The following PPM1K variants were observed in gnomAD, a reference collection of about 807,000 sequenced individuals.
The protein encoded by PPM1K is protein phosphatase, Mg2+/Mn2+ dependent 1K, also known as protein phosphatase Mn(2+)-dependent 1K.
PPM1K carries 19 observed loss-of-function variants against 32.6 expected under a neutral mutation model. The ratio of observed to expected loss-of-function variants is 0.58; its 90% CI spans 0.41 to 0.86. PPM1K has a LOEUF of 0.86. Ranked by LOEUF, PPM1K falls within the 40% of genes least tolerant of loss-of-function variation. The pLI is 0.00. For missense variants in PPM1K, 362 were observed against 461.2 expected, an observed-to-expected ratio of 0.78 and a Z score of 1.97; for synonymous variants, 159 against 165.3, an observed-to-expected ratio of 0.96 and a Z score of 0.29.
chr4:88,275,945 T>C (rs946186760), intron 3 of PPM1K: 9 of 985,076 alleles, frequency 9.1e-6, no homozygotes, highest in Non-Finnish European at 1.1e-5. Context: ...GAAAAGAAAA[T>C]GGGCCTAAAT....
intron 3 of PPM1K, chr4:88,276,063 G>A: frequency 1.0e-6 from 1 of 985,370 alleles, no homozygotes; most frequent in Non-Finnish European, 1.2e-6. Flanking sequence ...ATCTCAAGAT[G>A]GTAAATAGAG....
Position 88,278,227 on chromosome 4 carries a change from C to A in PPM1K, c.357G>T (p.Glu119Asp), listed in dbSNP as rs778963733. 3 of 1,614,192 alleles carry A rather than the reference C, an allele frequency of 1.9e-6. No homozygotes were observed. In the South Asian group the frequency reaches 3.3e-5, roughly 18 times the overall value. ...DRFDFAQLTD[E>D]VLYFAVYDGH... ...CATCATACACTGCAAAGTACAGGAC[C>A]TCATCTGTCAGCTGAGCGAAGTCAA... Residue 119 changes from glutamate (E) to aspartate (D), a missense_variant, in exon 2 of 7, where the codon GAG (glutamate) becomes GAT (aspartate). Transcript: ENST00000608933. The surrounding 1 kb of genome is among the most constrained non-coding windows in gnomAD (Gnocchi z 4.2).
chr4:88,276,238 CTG>C (rs1731762967), intron 3 of PPM1K: 2 of 985,280 alleles, frequency 2.0e-6, no homozygotes, highest in African/African-American at 3.5e-5. Context: ...CAACTGAAGA[CTG>C]TGCAAATGAC....
At chr4:88,277,581 CA>C in intron 2 of PPM1K, 1 of 219,092 alleles carries the variant, frequency 4.6e-6, no homozygotes, top group Non-Finnish European at 9.0e-6. Flanking sequence ...ACTGGGAAGT[CA>C]AAAATAGTCA....
chr4:88,278,266 C>T lies in PPM1K; in HGVS notation c.318G>A (p.Glu106=). The T allele has an allele frequency of 6.2e-7, 1 of 1,614,206 alleles. No homozygotes were observed. Among genetic ancestry groups the T allele is most frequent in the Non-Finnish European group, 8.5e-7 (1 of 1,180,028 alleles). Residue 106 remains glutamate, a synonymous_variant, in exon 2 of 7, where the codon GAG becomes GAA. Coordinates refer to ENST00000608933, the MANE Select transcript of PPM1K (RefSeq NM_152542.5). The surrounding 1 kb of genome is among the most constrained non-coding windows in gnomAD (Gnocchi z 4.2). ...GAGCGAAGTCAAACCGATCTTCATT[C>T]TCTTTCCGTTTGCCAATCTGTGAGG... The part of the protein sequence containing the change: ...GCASQIGKRK[E]NEDRFDFAQL...
chr4:88,273,903 C>T (rs925867180), intron 3 of PPM1K, among the ~76,000 whole-genome samples: 1 of 152,160 alleles, frequency 6.6e-6, no homozygotes, highest in Non-Finnish European at 1.5e-5. Context: ...GTGTGCTATG[C>T]AAATGGCACA....
At chr4:88,273,052 C>A (rs1037348400) in intron 3 of PPM1K, among the ~76,000 whole-genome samples, 3 of 152,184 alleles carry the variant, frequency 2.0e-5, no homozygotes, top group Non-Finnish European at 4.4e-5. Flanking sequence ...CAGGCAACAG[C>A]AATGCCATTC....
intron 5 of PPM1K, among the ~76,000 whole-genome samples, chr4:88,265,386 A>G (rs764801426): frequency 6.6e-6 from 1 of 152,224 alleles, no homozygotes; most frequent in African/African-American, 2.4e-5. Flanking sequence ...CCGTTTTCAT[A>G]ATAGTGAAGT....
At position 88,277,152 on chromosome 4, in the gene PPM1K, A is replaced by T. The variant is rs1171386828; in HGVS notation, c.532T>A (p.Ser178Thr). 1 of 1,612,888 alleles carries T rather than the reference A, an allele frequency of 6.2e-7. No homozygotes were observed. The highest frequency in any genetic ancestry group is 8.5e-7 in the Non-Finnish European group (1 of 1,178,982). ...DKAFSSHARL[S>T]ADATLLTSGT... is the part of the protein sequence containing the mutation. ...TGATAGTTTTACATACCATCAGCAG[A>T]CAGGCGGGCATGACTCGAAAAGGCT... Residue 178 changes from serine to threonine, a missense_variant, in exon 3 of 7, where the codon TCT becomes ACT. Ser to Thr is a moderately conservative substitution (Grantham distance 58, BLOSUM62 1). Coordinates refer to ENST00000608933, the MANE Select transcript of PPM1K (RefSeq NM_152542.5).
intron 5 of PPM1K, 121 bp downstream of exon 5, chr4:88,268,069 T>TA: frequency 1.9e-6 from 2 of 1,078,438 alleles, no homozygotes; most frequent in East Asian, 2.4e-5. Flanking sequence ...TATCCTTCCA[T>TA]AAATTACTCC....
At chr4:88,264,849 A>G (rs1219819266) in intron 6 of PPM1K, 152 bp downstream of exon 6, 3 of 810,878 alleles carry the variant, frequency 3.7e-6, no homozygotes, top group Non-Finnish European at 5.6e-6. Context: ...GCATATTAAA[A>G]TTTTAACTTG....
intron 1 of PPM1K, among the ~76,000 whole-genome samples, chr4:88,281,244 A>G (rs1731993877): frequency 6.6e-6 from 1 of 152,242 alleles, no homozygotes; most frequent in Non-Finnish European, 1.5e-5. Context: ...TTCAGCCTTG[A>G]GCTACTTTGC....
chr4:88,282,577 T>C (rs17013979), intron 1 of PPM1K, among the ~76,000 whole-genome samples: 3,398 of 152,268 alleles, frequency 0.022, 123 homozygotes, highest in African/African-American at 0.077. Flanking sequence ...TTTCAGCTAA[T>C]TGGGACCCCA....
At chr4:88,273,693 A>G (rs1333587514) in intron 3 of PPM1K, among the ~76,000 whole-genome samples, 4 of 151,886 alleles carry the variant, frequency 2.6e-5, no homozygotes, top group South Asian at 2.1e-4. Context: ...AAAAAAAAAA[A>G]AGAAAAAGAA....
chr4:88,278,641 G>T lies in PPM1K; in HGVS notation c.-58C>A. Reference sequence around the variant, plus strand: ...AAGGTCAATGGAACAATAATGGAATGTCTTCAAGAAAAATGATGCAAGTCA... The same window carrying T: ...AAGGTCAATGGAACAATAATGGAATTTCTTCAAGAAAAATGATGCAAGTCA... On this transcript the variant is annotated splice_region_variant and 5_prime_UTR_variant, in exon 2 of 7. Transcript: ENST00000608933. The surrounding 1 kb of genome is among the most constrained non-coding windows in gnomAD (Gnocchi z 4.2). 2.2e-6 allele frequency: 3 copies of T among 1,393,312 alleles called. No homozygotes were observed. The highest frequency in any genetic ancestry group is 2.9e-6 in the Non-Finnish European group (3 of 1,019,062). 86.3% of individuals were successfully genotyped at this position (1,393,312 alleles called of 1,614,324 possible).
intron 3 of PPM1K, chr4:88,276,597 T>C (rs996398185): frequency 1.0e-6 from 1 of 985,200 alleles, no homozygotes; most frequent in African/African-American, 1.7e-5. Context: ...AGCTGCAAGA[T>C]TGAGCTTTTT....
chr4:88,258,434 C>A lies in PPM1K; in HGVS notation c.*4161G>T, dbSNP rs1233284624. 1.3e-5 allele frequency: 2 copies of A among 151,892 alleles called. No individual in the cohort carries two copies. The highest frequency in any genetic ancestry group is 4.8e-5 in the African/African-American group (2 of 41,310). The allele number at this position is 151,892 out of a possible 1,614,324, so 9.4% of individuals were successfully genotyped here. A position where few individuals can be genotyped will look rare whatever the true frequency, so the allele number is the denominator to read the frequency against. On this transcript the variant is annotated 3_prime_UTR_variant, in exon 7 of 7. Coordinates refer to ENST00000608933, the MANE Select transcript of PPM1K (RefSeq NM_152542.5). Reference sequence around the variant, plus strand: ...CACGAGGTCAAGAGATCGAGACCATCCTGGCCAATATGGTGAAACCCTGTC... The same window carrying A: ...CACGAGGTCAAGAGATCGAGACCATACTGGCCAATATGGTGAAACCCTGTC...
chr4:88,263,213 A>T (rs146193236), intron 6 of PPM1K, among the ~76,000 whole-genome samples: 84 of 152,344 alleles, frequency 5.5e-4, no homozygotes, highest in African/African-American at 1.8e-3. Context: ...ACAAATGGCT[A>T]ATAAGCCTAT....
intron 3 of PPM1K, chr4:88,275,020 A>G (rs1200521487): frequency 2.5e-5 from 19 of 767,644 alleles, no homozygotes; most frequent in Non-Finnish European, 2.9e-5. Context: ...TTTAGTACAC[A>G]CTAAGAGCAT....
Sources: allele counts gnomAD v4.1 joint callset (sites outside exome capture counted in the v4.1 genomes callset), GRCh38; gene constraint gnomAD v4.1.1; non-coding constraint Gnocchi (gnomAD v3.1); transcripts MANE v1.5; gene names NCBI Gene and HGNC (gene_info 2026-07-23, HGNC 2026-07-21).